The following NKAIN2 variants were observed in gnomAD, a reference collection of about 807,000 sequenced individuals.
The protein encoded by NKAIN2 is sodium/potassium-transporting ATPase subunit beta-1-interacting protein 2.
A neutral mutation model predicts 32.6 loss-of-function variants in NKAIN2; 14 were observed. The ratio of observed to expected loss-of-function variants is 0.43; its 90% CI spans 0.28 to 0.67. The LOEUF (loss-of-function observed/expected upper bound fraction) is 0.67, where lower values mean the gene tolerates loss of function less well. Ranked by LOEUF, NKAIN2 falls within the 30% of genes least tolerant of loss-of-function variation. The pLI, the probability that NKAIN2 is intolerant of heterozygous loss-of-function variation, is 0.17. For synonymous variants in NKAIN2, 80 were observed against 87.2 expected (o/e 0.92, Z 0.46); for missense variants, 198 against 258.3 (o/e 0.77, Z 1.60).
chr6:124,771,809 G>A (rs991659550), intron 4 of NKAIN2, among the ~76,000 whole-genome samples: 1 of 152,138 alleles, frequency 6.6e-6, no homozygotes. Flanking sequence ...CTGAGGAGGT[G>A]ACACTTAAGC....
At chr6:123,995,929 G>A (rs934942631) in intron 1 of NKAIN2, among the ~76,000 whole-genome samples, 1 of 152,110 alleles carries the variant, frequency 6.6e-6, no homozygotes, top group East Asian at 1.9e-4. Flanking sequence ...TATGGTTAGA[G>A]GCAAGTACCA....
chr6:124,606,470 C>T (rs1482078867), intron 3 of NKAIN2, among the ~76,000 whole-genome samples: 1 of 151,902 alleles, frequency 6.6e-6, no homozygotes, highest in Non-Finnish European at 1.5e-5. Context: ...TTTTAAAATA[C>T]AATTGGTAAA....
chr6:123,875,249 G>T (rs961943866), intron 1 of NKAIN2, among the ~76,000 whole-genome samples: 8 of 151,918 alleles, frequency 5.3e-5, no homozygotes, highest in African/African-American at 1.9e-4. Context: ...TTCCTAAAAT[G>T]GAGTTATTTG....
chr6:124,445,122 A>G (rs1380270313), intron 3 of NKAIN2, among the ~76,000 whole-genome samples: 2 of 152,056 alleles, frequency 1.3e-5, no homozygotes, highest in Non-Finnish European at 2.9e-5. Flanking sequence ...AAAAGTCTTT[A>G]AGTAAAAAAG....
At chr6:124,705,552 G>A (rs1426692512) in intron 4 of NKAIN2, among the ~76,000 whole-genome samples, 2 of 152,042 alleles carry the variant, frequency 1.3e-5, no homozygotes, top group Admixed American at 1.3e-4. Flanking sequence ...TTGCATCCCA[G>A]GGTATTTAAA....
intron 3 of NKAIN2, among the ~76,000 whole-genome samples, chr6:124,513,910 A>G (rs1378740453): frequency 3.3e-5 from 5 of 152,142 alleles, no homozygotes; most frequent in Admixed American, 6.5e-5. Flanking sequence ...TAAACATAAA[A>G]TGTGTGCTTG....
At chr6:123,907,096 A>G (rs1774917590) in intron 1 of NKAIN2, among the ~76,000 whole-genome samples, 1 of 152,198 alleles carries the variant, frequency 6.6e-6, no homozygotes, top group Non-Finnish European at 1.5e-5. Flanking sequence ...GTAATATTTG[A>G]CCAAATCTGC....
At chr6:124,498,659 C>A (rs1217242711) in intron 3 of NKAIN2, among the ~76,000 whole-genome samples, 2 of 152,058 alleles carry the variant, frequency 1.3e-5, no homozygotes, top group African/African-American at 4.8e-5. Flanking sequence ...TGATAAAAAT[C>A]AAAGAAAATG....
At chr6:124,631,564 G>C (rs1640077701) in intron 3 of NKAIN2, among the ~76,000 whole-genome samples, 1 of 152,100 alleles carries the variant, frequency 6.6e-6, no homozygotes, top group Admixed American at 6.6e-5. Flanking sequence ...GCCTTTGCTT[G>C]AACACAAGCT....
At chr6:124,541,134 C>T (rs1779895600) in intron 3 of NKAIN2, among the ~76,000 whole-genome samples, 1 of 152,156 alleles carries the variant, frequency 6.6e-6, no homozygotes, top group Non-Finnish European at 1.5e-5. Context: ...CATATACACA[C>T]ACACACCTCC....
In NKAIN2 at chr6:123,982,185, C is replaced by T. The variant is rs183874121; in HGVS notation, c.54+177931C>T. On this transcript the variant is annotated intron_variant, in intron 1 of 6. Transcript: ENST00000368417. The stretch of plus-strand genomic sequence containing the variant: ...GATGCTGGAGATGAAAAGATACATG[C>T]GAGGCAGACCCATGTCAACCTTCAG... Among the ~76,000 whole-genome samples, 349 of 151,962 alleles carry T rather than the reference C, an allele frequency of 2.3e-3. 4 individuals carry two copies. The highest frequency in any genetic ancestry group is 3.4e-3 in the Middle Eastern group (1 of 294).
At chr6:124,181,497 G>C (rs1768713255) in intron 1 of NKAIN2, among the ~76,000 whole-genome samples, 1 of 152,032 alleles carries the variant, frequency 6.6e-6, no homozygotes, top group South Asian at 2.1e-4. Flanking sequence ...TTTATGCTCT[G>C]CTTGCCTTTT....
chr6:123,970,583 A>T (rs1037099480), intron 1 of NKAIN2, among the ~76,000 whole-genome samples: 24 of 152,050 alleles, frequency 1.6e-4, no homozygotes, highest in African/African-American at 5.8e-4. Context: ...GTTCTTTAGA[A>T]ATATTTATCG....
At chr6:124,367,067 G>T (rs1381578926) in intron 3 of NKAIN2, among the ~76,000 whole-genome samples, 2 of 151,880 alleles carry the variant, frequency 1.3e-5, no homozygotes, top group East Asian at 3.9e-4. Context: ...ACTTGTATTT[G>T]CTAAAAGACC....
chr6:123,971,909 A>G lies in NKAIN2; in HGVS notation c.54+167655A>G, dbSNP rs371303686. ...CTGCAAGAGTCTGGACAAGTAAAAT[A>G]CAATTGGCCTTTGAACAACATGGGT... On this transcript the variant is annotated intron_variant, in intron 1 of 6. Transcript: ENST00000368417. Among the ~76,000 whole-genome samples, 11 of 152,194 alleles carry G rather than the reference A, an allele frequency of 7.2e-5. No individual in the cohort carries two copies. In the East Asian group the frequency reaches 1.9e-3, roughly 27 times the overall value.
rs180687759 is a variant in NKAIN2, at chr6:124,078,191, G to A, written c.55-204814G>A. ...GAATTAATAAAATTTTTCTAGAGAA[G>A]CATTTCATTTCCATATGTAATGTAG... On this transcript the variant is annotated intron_variant, in intron 1 of 6. Coordinates refer to ENST00000368417, the MANE Select transcript of NKAIN2 (RefSeq NM_001040214.3). Among the ~76,000 whole-genome samples the A allele has an allele frequency of 7.3e-3, 1,104 of 152,230 alleles. 14 individuals carry two copies. Among genetic ancestry groups the A allele is most frequent in the South Asian group, 0.036 (175 of 4,830 alleles).
intron 1 of NKAIN2, among the ~76,000 whole-genome samples, chr6:123,983,968 C>T (rs1254597802): frequency 6.6e-6 from 1 of 152,112 alleles, no homozygotes; most frequent in East Asian, 1.9e-4. Flanking sequence ...AGTACAATGG[C>T]ACAATCTCGG....
chr6:124,468,756 T>C (rs1776858877), intron 3 of NKAIN2, among the ~76,000 whole-genome samples: 1 of 152,168 alleles, frequency 6.6e-6, no homozygotes, highest in African/African-American at 2.4e-5. Flanking sequence ...TGGGCCAAGT[T>C]GCTGTTGCAG....
In NKAIN2 at chr6:123,804,081, C is replaced by T. The variant is rs1265150731; in HGVS notation, c.-120C>T. The stretch of plus-strand genomic sequence containing the variant: ...CCAGGACGCTGGCAGCAGCAGCAGC[C>T]CGGAGCCCCCGAGCCCTCGGCAGGT... On this transcript the variant is annotated 5_prime_UTR_variant, in exon 1 of 7. Coordinates refer to ENST00000368417, the MANE Select transcript of NKAIN2 (RefSeq NM_001040214.3). The T allele has an allele frequency of 1.1e-5, 10 of 903,452 alleles. No individual in the cohort carries two copies. Among genetic ancestry groups the T allele is most frequent in the Non-Finnish European group, 1.7e-5 (9 of 536,320 alleles). The allele number at this position is 903,452 out of a possible 1,614,324, so 56.0% of individuals were successfully genotyped here. A position where few individuals can be genotyped will look rare whatever the true frequency, so the allele number is the denominator to read the frequency against.
Sources: allele counts gnomAD v4.1 joint callset (sites outside exome capture counted in the v4.1 genomes callset), GRCh38; gene constraint gnomAD v4.1.1; transcripts MANE v1.5; gene names NCBI Gene and HGNC (gene_info 2026-07-23, HGNC 2026-07-21).